The following BEND4 variants were observed in gnomAD, a reference collection of about 807,000 sequenced individuals.
BEND4 encodes the protein BEN domain containing 4, also known as BEN domain-containing protein 4.
Under a neutral mutation model 54.7 loss-of-function variants are expected in BEND4, and 27 were observed. The observed-to-expected ratio is 0.49, with a 90% confidence interval of 0.36 to 0.68. The LOEUF (loss-of-function observed/expected upper bound fraction) is 0.68. Ranked by LOEUF, BEND4 falls within the 30% of genes least tolerant of loss-of-function variation. The pLI, the probability that BEND4 is intolerant of heterozygous loss-of-function variation, is 0.00. For synonymous variants in BEND4, 327 were observed against 299.5 expected, an observed-to-expected ratio of 1.09 and a Z score of -0.95; for missense variants, 702 against 697.2, an observed-to-expected ratio of 1.01 and a Z score of -0.08.
rs995222161 is a variant in BEND4 at position 42,124,886 on chromosome 4, G to A, written c.1146+697C>T. ...CCCAGGATACTTTGGGAGCCTGGAA[G>A]GAGATGGAAGTAGAAAGGAGAGCAA... On this transcript the variant is annotated intron_variant, in intron 4 of 5. Coordinates refer to ENST00000502486, the MANE Select transcript of BEND4 (RefSeq NM_207406.4). Among the ~76,000 whole-genome samples the A allele has an allele frequency of 7.2e-5, 11 of 152,230 alleles. No individual in the cohort carries two copies. The East Asian group carries it at 1.9e-3, about 27-fold the overall frequency.
intron 2 of BEND4, among the ~76,000 whole-genome samples, chr4:42,148,611 G>A (rs2153147947): frequency 6.6e-6 from 1 of 152,328 alleles, no homozygotes; most frequent in African/African-American, 2.4e-5. Flanking sequence ...CAGATGTGTA[G>A]ATTTATGAAT....
intron 2 of BEND4, among the ~76,000 whole-genome samples, chr4:42,150,533 A>G (rs4861024): frequency 0.36 from 54,249 of 152,188 alleles, 13,605 homozygotes; most frequent in African/African-American, 0.72. Context: ...TTTCCACAGG[A>G]GAAAAAAATA....
At chr4:42,138,046 G>C (rs553542584) in intron 3 of BEND4, among the ~76,000 whole-genome samples, 36 of 152,182 alleles carry the variant, frequency 2.4e-4, no homozygotes, top group African/African-American at 8.7e-4. Flanking sequence ...AATTTTCCTA[G>C]AAAATTAAAA....
At chr4:42,123,694 G>GAAAAAAAAAAAACA (rs1720148243) in intron 4 of BEND4, among the ~76,000 whole-genome samples, 2 of 50,808 alleles carry the variant, frequency 3.9e-5, no homozygotes, top group Admixed American at 2.1e-4. Context: ...CTGTAATTCA[G>GAAAAAAAAAAAACA]AAAAAAAAAA....
intron 3 of BEND4, among the ~76,000 whole-genome samples, chr4:42,137,367 A>G (rs1720731964): frequency 6.6e-6 from 1 of 152,228 alleles, no homozygotes; most frequent in Admixed American, 6.5e-5. Flanking sequence ...AAATAAACTC[A>G]AAATGGATAA....
rs1414975408 is a variant in BEND4 at position 42,114,319 on chromosome 4, T to G, written c.*3199A>C. On this transcript the variant is annotated 3_prime_UTR_variant, in exon 6 of 6. Coordinates refer to ENST00000502486, the MANE Select transcript of BEND4 (RefSeq NM_207406.4). ...TGATCTTTGTAACAAGATTTTAATT[T>G]GGAAAACACAGGACAGTTGTCACTT... 3 of 152,186 alleles carry G rather than the reference T, an allele frequency of 2.0e-5. No homozygotes were observed. The highest frequency in any genetic ancestry group is 6.5e-5 in the Admixed American group (1 of 15,280). The allele number at this position is 152,186 out of a possible 1,614,324, so 9.4% of individuals were successfully genotyped here.
chr4:42,126,094 A>T (rs1306611322), intron 3 of BEND4, among the ~76,000 whole-genome samples: 1 of 152,346 alleles, frequency 6.6e-6, no homozygotes, highest in East Asian at 1.9e-4. Context: ...TTCTAAAGGA[A>T]ATAGAATCTT....
intron 4 of BEND4, among the ~76,000 whole-genome samples, chr4:42,124,704 C>T (rs971244378): frequency 3.3e-5 from 5 of 152,118 alleles, no homozygotes; most frequent in East Asian, 3.9e-4. Flanking sequence ...CAGAAGATAA[C>T]GAATATAGAC....
At chr4:42,121,149 C>T (rs1720042763) in intron 4 of BEND4, among the ~76,000 whole-genome samples, 1 of 152,058 alleles carries the variant, frequency 6.6e-6, no homozygotes. Context: ...TTAAGGTGTA[C>T]AAAACAAAGG....
At chr4:42,144,094 T>C (rs1315957840) in intron 2 of BEND4, 100 bp from the exon 3 acceptor site, 8 of 849,976 alleles carry the variant, frequency 9.4e-6, no homozygotes, top group Non-Finnish European at 1.5e-5. Flanking sequence ...GTTAAAAATA[T>C]GTATTTCTAC....
intron 2 of BEND4, among the ~76,000 whole-genome samples, chr4:42,150,186 T>C (rs1382902756): frequency 6.6e-6 from 1 of 150,614 alleles, no homozygotes; most frequent in African/African-American, 2.4e-5. Context: ...AGAAAGAAAA[T>C]GAACCTCCTT....
chr4:42,132,573 T>C (rs1720547445), intron 3 of BEND4, among the ~76,000 whole-genome samples: 1 of 151,990 alleles, frequency 6.6e-6, no homozygotes, highest in Non-Finnish European at 1.5e-5. Context: ...GCCTCCCAAG[T>C]AGCTGGGATT....
chr4:42,127,688 C>T (rs1454326076), intron 3 of BEND4, among the ~76,000 whole-genome samples: 1 of 152,186 alleles, frequency 6.6e-6, no homozygotes, highest in Non-Finnish European at 1.5e-5. Flanking sequence ...TCCAAAGCAG[C>T]ATTCTGTTCT....
In BEND4 at chr4:42,151,835, G is replaced by GGACGGC. The variant is rs1721301896; in HGVS notation, c.303_308dup (p.Pro102_Ser103dup). On this transcript the variant is annotated inframe_insertion, in exon 2 of 6. Transcript: ENST00000502486. The stretch of plus-strand genomic sequence containing the variant: ...GGCCCTGGGATGTGGCGGGCGTGCA[G>GGACGGC]GACGGCGACGACGACGAAGCGGCGG... The GGACGGC allele has an allele frequency of 1.5e-6, 2 of 1,352,416 alleles. No individual in the cohort carries two copies. Among genetic ancestry groups the GGACGGC allele is most frequent in the Non-Finnish European group, 9.4e-7 (1 of 1,062,226 alleles). 83.8% of individuals were successfully genotyped at this position (1,352,416 alleles called of 1,614,324 possible).
rs1424092767 is a variant in BEND4 at position 42,116,273 on chromosome 4, A to G, written c.*1245T>C. 2.6e-5 allele frequency: 4 copies of G among 152,220 alleles called. No individual in the cohort carries two copies. Among genetic ancestry groups the G allele is most frequent in the Non-Finnish European group, 4.4e-5 (3 of 68,046 alleles). The allele number at this position is 152,220 out of a possible 1,614,324, so 9.4% of individuals were successfully genotyped here. On this transcript the variant is annotated 3_prime_UTR_variant, in exon 6 of 6. Coordinates refer to ENST00000502486, the MANE Select transcript of BEND4 (RefSeq NM_207406.4). ...TAATCTGGACTAGTTTGGTAAAGAAAGCCTCTCCTGAGTCCAAACAGGAAG... is the reference window on the plus strand; with the variant it reads ...TAATCTGGACTAGTTTGGTAAAGAAGGCCTCTCCTGAGTCCAAACAGGAAG...
chr4:42,125,878 A>G (rs1720261224), intron 3 of BEND4, among the ~76,000 whole-genome samples: 1 of 151,980 alleles, frequency 6.6e-6, no homozygotes, highest in African/African-American at 2.4e-5. Flanking sequence ...AGCTGGGACT[A>G]CAGGTGCGCA....
Position 42,151,895 on chromosome 4 carries a change from C to G in BEND4, c.249G>C (p.Gln83His). Residue 83 changes from glutamine to histidine, a missense_variant, in exon 2 of 6, where the codon CAG becomes CAC. Coordinates refer to ENST00000502486, the MANE Select transcript of BEND4 (RefSeq NM_207406.4). Reference protein sequence around the residue: ...SEPPPQQFQAQSSYPPGPGRA... With the variant: ...SEPPPQQFQAHSSYPPGPGRA... ...GGCCGGGCCCGGGGGGGTAGGAGCTCTGCGCCTGGAACTGCTGCGGCGGCG... is the reference window on the plus strand; with the variant it reads ...GGCCGGGCCCGGGGGGGTAGGAGCTGTGCGCCTGGAACTGCTGCGGCGGCG... 8 of 1,285,606 alleles carry G rather than the reference C, an allele frequency of 6.2e-6. No individual in the cohort carries two copies. The highest frequency in any genetic ancestry group is 7.8e-6 in the Non-Finnish European group (8 of 1,022,846). 79.6% of individuals were successfully genotyped at this position (1,285,606 alleles called of 1,614,324 possible).
At chr4:42,119,931 C>G (rs1422913017) in intron 5 of BEND4, 123 bp downstream of exon 5, 35 of 1,247,386 alleles carry the variant, frequency 2.8e-5, no homozygotes, top group Non-Finnish European at 3.8e-5. Context: ...CCACATGAAG[C>G]CTAGACGTTC....
chr4:42,127,251 A>G (rs1017178203), intron 3 of BEND4, among the ~76,000 whole-genome samples: 4 of 152,238 alleles, frequency 2.6e-5, no homozygotes, highest in Non-Finnish European at 4.4e-5. Flanking sequence ...TCTTCTTGCC[A>G]AAGAAGTATT....
Sources: gnomAD v4.1 joint callset for allele counts (sites outside exome capture counted in the v4.1 genomes callset) on GRCh38, gnomAD v4.1.1 for gene constraint, MANE v1.5 for transcripts, NCBI Gene and HGNC (gene_info 2026-07-23, HGNC 2026-07-21) for gene names.